GLIPR2: variants seen among roughly 807,000 people sequenced by gnomAD.
GLIPR2 encodes the protein Golgi-associated plant pathogenesis-related protein 1.
In GLIPR2, 21 loss-of-function variants were observed where a neutral mutation model predicts 20.4. The ratio of observed to expected loss-of-function variants is 1.03; its 90% CI spans 0.73 to 1.48. GLIPR2 has a LOEUF of 1.48. GLIPR2 is among the 40% of genes most tolerant of loss of function. The probability of loss-of-function intolerance (pLI) is 0.00; values close to 1 mark genes in which losing one functional copy is unlikely to be tolerated. For missense variants in GLIPR2, 205 were observed against 200.1 expected, an observed-to-expected ratio of 1.02 and a Z score of -0.15; for synonymous variants, 91 against 80.5, an observed-to-expected ratio of 1.13 and a Z score of -0.70.
intron 4 of GLIPR2, among the ~76,000 whole-genome samples, chr9:36,154,211 T>A (rs2132764658): frequency 6.6e-6 from 1 of 151,706 alleles, no homozygotes; most frequent in South Asian, 2.1e-4. Context: ...TCTCCCACCT[T>A]AGCCTCCTGA....
At chr9:36,154,627 C>A (rs1017259174) in intron 4 of GLIPR2, among the ~76,000 whole-genome samples, 1 of 152,120 alleles carries the variant, frequency 6.6e-6, no homozygotes, top group African/African-American at 2.4e-5. Flanking sequence ...GAAAAAGGAA[C>A]CTTCGTTAGT....
At position 36,162,459 on chromosome 9, in the gene GLIPR2, C is replaced by T; in HGVS notation, c.402C>T (p.Phe134=). 2 of 1,614,168 alleles carry T rather than the reference C, an allele frequency of 1.2e-6. No homozygotes were observed. The highest frequency in any genetic ancestry group is 1.7e-6 in the Non-Finnish European group (2 of 1,180,036). The change falls in exon 5 of 5, where the codon TTC becomes TTT. Residue 134 remains phenylalanine (F), a synonymous_variant. Coordinates refer to ENST00000377960, the MANE Select transcript of GLIPR2 (RefSeq NM_022343.4). ...DGSSFVVARY[F]PAGNVVNEGF... ...CCTCCTTTGTGGTGGCCAGATACTT[C>T]CCAGCGGGGAATGTTGTCAATGAGG... is the stretch of plus-strand genomic sequence containing the variant.
At chr9:36,138,097 T>C (rs1043062742) in intron 1 of GLIPR2, among the ~76,000 whole-genome samples, 1 of 152,248 alleles carries the variant, frequency 6.6e-6, no homozygotes, top group Non-Finnish European at 1.5e-5. Flanking sequence ...GTTAACAGGA[T>C]GACAGATGGT....
rs996765656 is a variant in GLIPR2, at chr9:36,162,564, G to A, written c.*42G>A. On this transcript the variant is annotated 3_prime_UTR_variant, in exon 5 of 5. Coordinates refer to ENST00000377960, the MANE Select transcript of GLIPR2 (RefSeq NM_022343.4). ...GGAAGGTGGCAGACTTAAGAACGTG[G>A]ATATGAAGTGCCTAGAACCACCACA... 1.9e-6 allele frequency: 3 copies of A among 1,598,764 alleles called. No individual in the cohort carries two copies. The highest frequency in any genetic ancestry group is 1.3e-5 in the African/African-American group (1 of 74,582).
intron 4 of GLIPR2, among the ~76,000 whole-genome samples, chr9:36,156,209 CAAAAAATT>C (rs999928812): frequency 5.4e-4 from 81 of 151,160 alleles, no homozygotes; most frequent in African/African-American, 1.0e-3. Flanking sequence ...GACTCCATCT[CAAAAAATT>C]AAAAAATTAA....
intron 4 of GLIPR2, among the ~76,000 whole-genome samples, chr9:36,161,975 A>C (rs1005068260): frequency 6.6e-6 from 1 of 152,164 alleles, no homozygotes; most frequent in Admixed American, 6.6e-5. Flanking sequence ...GCCTGAGGTC[A>C]GGAGTTCGAG....
At chr9:36,161,815 C>T (rs933352979) in intron 4 of GLIPR2, among the ~76,000 whole-genome samples, 3 of 152,134 alleles carry the variant, frequency 2.0e-5, no homozygotes, top group African/African-American at 7.2e-5. Flanking sequence ...TGGGCTTTGT[C>T]GTGATCTCTG....
At chr9:36,156,466 G>T (rs1004116566) in intron 4 of GLIPR2, among the ~76,000 whole-genome samples, 1 of 150,680 alleles carries the variant, frequency 6.6e-6, no homozygotes, top group African/African-American at 2.4e-5. Flanking sequence ...ACCATTTTAG[G>T]TATACAGTTC....
chr9:36,143,146 C>T lies in GLIPR2; in HGVS notation c.14-4640C>T, dbSNP rs145845606. ...AGCGGCCTTATATGTCCCTCTCTGCCGAGGAGACTTGAGGGCCTCCAGCAC... is the reference window on the plus strand; with the variant it reads ...AGCGGCCTTATATGTCCCTCTCTGCTGAGGAGACTTGAGGGCCTCCAGCAC... On this transcript the variant is annotated intron_variant, in intron 1 of 4. Coordinates refer to ENST00000377960, the MANE Select transcript of GLIPR2 (RefSeq NM_022343.4). Among the ~76,000 whole-genome samples, 82 of 152,230 alleles carry T rather than the reference C, an allele frequency of 5.4e-4. No individual in the cohort carries two copies. The East Asian group carries it at 0.012, about 22-fold the overall frequency.
intron 4 of GLIPR2, among the ~76,000 whole-genome samples, chr9:36,154,868 G>A (rs1369345271): frequency 6.6e-6 from 1 of 152,202 alleles, no homozygotes; most frequent in Non-Finnish European, 1.5e-5. Context: ...ATAAATGGCA[G>A]CTTCTTCCTT....
At chr9:36,142,113 CACAGA>C (rs1195469106) in intron 1 of GLIPR2, among the ~76,000 whole-genome samples, 1 of 152,184 alleles carries the variant, frequency 6.6e-6, no homozygotes. Flanking sequence ...AAGCGCTTGG[CACAGA>C]GGAGGCTCTT....
chr9:36,159,923 G>A (rs1035353810), intron 4 of GLIPR2, among the ~76,000 whole-genome samples: 3 of 152,108 alleles, frequency 2.0e-5, no homozygotes, highest in South Asian at 2.1e-4. Context: ...CCGAGATCAC[G>A]CTACTGTACT....
At chr9:36,143,601 TGA>T (rs771454898) in intron 1 of GLIPR2, among the ~76,000 whole-genome samples, 20 of 152,212 alleles carry the variant, frequency 1.3e-4, no homozygotes, top group Non-Finnish European at 2.8e-4. Context: ...CAGCGTCTCC[TGA>T]GAGAAGCTTG....
In GLIPR2 at chr9:36,147,805, T is replaced by C. The variant is rs550000065; in HGVS notation, c.33T>C (p.Asn11=). ...TTCCAGCTTCCAAACAGTTTCATAA[T>C]GAGGTCCTGAAGGCCCACAATGAGT... The part of the protein sequence containing the change: MGKSASKQFH[N]EVLKAHNEYR... The change falls in exon 2 of 5, where the codon AAT becomes AAC. Residue 11 remains asparagine, a synonymous_variant. Coordinates refer to ENST00000377960, the MANE Select transcript of GLIPR2 (RefSeq NM_022343.4). 8.4e-6 allele frequency: 13 copies of C among 1,553,016 alleles called. No individual in the cohort carries two copies. In the South Asian group the frequency reaches 1.4e-4, roughly 17 times the overall value.
intron 4 of GLIPR2, chr9:36,151,161 T>C (rs1360194668): frequency 3.3e-5 from 19 of 572,126 alleles, no homozygotes; most frequent in Non-Finnish European, 3.1e-6. Flanking sequence ...CTCTGCTCCC[T>C]CTGAGGGCCA....
intron 1 of GLIPR2, among the ~76,000 whole-genome samples, chr9:36,138,095 G>T (rs1286697207): frequency 6.6e-6 from 1 of 152,372 alleles, no homozygotes; most frequent in East Asian, 1.9e-4. Context: ...TAGTTAACAG[G>T]ATGACAGATG....
intron 1 of GLIPR2, among the ~76,000 whole-genome samples, chr9:36,145,292 T>C (rs1825274672): frequency 6.6e-6 from 1 of 152,242 alleles, no homozygotes. Flanking sequence ...GTTCAGATAT[T>C]TCTGGGGCCT....
Position 36,136,850 on chromosome 9 carries a change from G to T in GLIPR2, c.13+59G>T, listed in dbSNP as rs1219030456. The T allele has an allele frequency of 1.6e-6, 2 of 1,258,454 alleles. No individual in the cohort carries two copies. The highest frequency in any genetic ancestry group is 1.6e-5 in the African/African-American group (1 of 64,288). The allele number at this position is 1,258,454 out of a possible 1,614,324, so 78.0% of individuals were successfully genotyped here. ...TCGGAACCCCGCGCTCCCGGACCTC[G>T]CCGTCTCCCTCGTCCGCCGCAAGCC... On this transcript the variant is annotated intron_variant, in intron 1 of 4. Coordinates refer to ENST00000377960, the MANE Select transcript of GLIPR2 (RefSeq NM_022343.4). This position sits in a 1 kb window ranked among gnomAD's most constrained non-coding sequence, Gnocchi z 4.3.
At chr9:36,162,247 C>G in intron 4 of GLIPR2, 115 bp from the exon 5 acceptor site, 1 of 1,597,716 alleles carries the variant, frequency 6.3e-7, no homozygotes. Context: ...CTGTGAAGAC[C>G]ATGCTGACCT....
Sources: allele counts gnomAD v4.1 joint callset (sites outside exome capture counted in the v4.1 genomes callset), GRCh38; gene constraint gnomAD v4.1.1; non-coding constraint Gnocchi (gnomAD v3.1); transcripts MANE v1.5; gene names NCBI Gene and HGNC (gene_info 2026-07-23, HGNC 2026-07-21).